RANBP2: variants seen among roughly 807,000 people sequenced by gnomAD.
The protein encoded by RANBP2 is E3 SUMO-protein ligase RanBP2.
RANBP2 carries 57 observed loss-of-function variants against 303.6 expected under a neutral mutation model. The observed-to-expected ratio is 0.19, with a 90% CI of 0.15 to 0.23. The LOEUF (loss-of-function observed/expected upper bound fraction) is 0.23, where lower values mean the gene tolerates loss of function less well. Ranked by LOEUF, RANBP2 falls within the 10% of genes least tolerant of loss-of-function variation. The probability of loss-of-function intolerance (pLI) is 1.00; values close to 1 mark genes in which losing one functional copy is unlikely to be tolerated. For missense variants in RANBP2, 3,138 were observed against 3,780.8 expected (o/e 0.83, Z 4.46); for synonymous variants, 1,167 against 1,301.5 (o/e 0.90, Z 2.23).
At chr2:108,793,433 G>C in the RANBP2 span, among the ~76,000 whole-genome samples, 1 of 152,058 alleles carries the variant, frequency 6.6e-6, no homozygotes, top group African/African-American at 2.4e-5. Flanking sequence ...TGCTGGCAAG[G>C]ATATCAAGCA....
chr2:109,544,738 T>C, the RANBP2 span: 2 of 841,294 alleles, frequency 2.4e-6, no homozygotes, highest in Non-Finnish European at 2.9e-6. Context: ...TTTATCTTTC[T>C]AAATTCAATG....
At chr2:109,455,194 C>T in the RANBP2 span, among the ~76,000 whole-genome samples, 7 of 152,124 alleles carry the variant, frequency 4.6e-5, no homozygotes, top group African/African-American at 9.7e-5. Context: ...GGTCATGGCC[C>T]GTCCAGGAGT....
chr2:109,060,227 G>T, the RANBP2 span, among the ~76,000 whole-genome samples: 1 of 152,150 alleles, frequency 6.6e-6, no homozygotes, highest in Non-Finnish European at 1.5e-5. Context: ...AGAATATGGA[G>T]AATTTAATAA....
the RANBP2 span, among the ~76,000 whole-genome samples, chr2:109,547,643 T>A: frequency 6.6e-6 from 1 of 152,122 alleles, no homozygotes; most frequent in Non-Finnish European, 1.5e-5. Context: ...GTTCCACAAT[T>A]TAAGGAATGC....
chr2:109,087,795 G>A, the RANBP2 span, among the ~76,000 whole-genome samples: 6 of 152,136 alleles, frequency 3.9e-5, no homozygotes, highest in Non-Finnish European at 7.4e-5. Context: ...TGGAGGAGTG[G>A]GAGAGCAGGA....
the RANBP2 span, among the ~76,000 whole-genome samples, chr2:109,527,413 G>A: frequency 6.6e-6 from 1 of 152,172 alleles, no homozygotes; most frequent in Non-Finnish European, 1.5e-5. Context: ...AGAAACAGAC[G>A]TGCTGGAGGC....
chr2:109,051,130 G>C, the RANBP2 span, among the ~76,000 whole-genome samples: 1 of 152,188 alleles, frequency 6.6e-6, no homozygotes, highest in African/African-American at 2.4e-5. Flanking sequence ...CTAGCTCTCA[G>C]TCTATCTGTC....
chr2:109,330,370 T>C, the RANBP2 span, among the ~76,000 whole-genome samples: 24 of 152,252 alleles, frequency 1.6e-4, no homozygotes, highest in African/African-American at 5.8e-4. Flanking sequence ...TTTTTTTTCT[T>C]GTCTTGGCAT....
At chr2:109,263,066 G>A in the RANBP2 span, among the ~76,000 whole-genome samples, 38,374 of 151,762 alleles carry the variant, frequency 0.25, 5,263 homozygotes, top group East Asian at 0.46. Context: ...GGCTGGTCTC[G>A]AACTCCTGAC....
intron 14 of RANBP2, 103 bp downstream of exon 14, chr2:108,753,666 A>G (rs570772044): frequency 2.3e-5 from 36 of 1,587,596 alleles, no homozygotes; most frequent in South Asian, 1.7e-4. Context: ...CAGTGGCACA[A>G]TCTTGGCTCA....
chr2:109,685,255 T>A, the RANBP2 span, among the ~76,000 whole-genome samples: 5 of 152,206 alleles, frequency 3.3e-5, no homozygotes, highest in Non-Finnish European at 7.3e-5. Flanking sequence ...TTGATGAACA[T>A]GTGGAACAAA....
the RANBP2 span, among the ~76,000 whole-genome samples, chr2:108,830,633 T>A: frequency 6.6e-6 from 1 of 150,798 alleles, no homozygotes; most frequent in East Asian, 2.0e-4. Flanking sequence ...GTGGTGAAAC[T>A]CTGTCTCTAC....
At position 108,719,486 on chromosome 2, in the gene RANBP2, T is replaced by G; in HGVS notation, c.-121T>G. 6.7e-7 allele frequency: 1 copy of G among 1,491,652 alleles called. No homozygotes were observed. The allele number at this position is 1,491,652 out of a possible 1,614,324, so 92.4% of individuals were successfully genotyped here. A position where few individuals can be genotyped will look rare whatever the true frequency, so the allele number is the denominator to read the frequency against. Reference sequence around the variant, plus strand: ...CGGCTGCGCCGCAAGTTCGTCACAGTGGTCCTCCGCCGGCTACGGCGCTGC... The same window carrying G: ...CGGCTGCGCCGCAAGTTCGTCACAGGGGTCCTCCGCCGGCTACGGCGCTGC... On this transcript the variant is annotated 5_prime_UTR_variant, in exon 1 of 29. Transcript: ENST00000283195.
chr2:108,809,736 C>T, the RANBP2 span, among the ~76,000 whole-genome samples: 40 of 152,082 alleles, frequency 2.6e-4, no homozygotes, highest in South Asian at 1.9e-3. Flanking sequence ...TGGAGTCTTT[C>T]GGTTTCTTTG....
At chr2:109,130,057 A>T in the RANBP2 span, 2 of 1,367,962 alleles carry the variant, frequency 1.5e-6, no homozygotes, top group Non-Finnish European at 9.4e-7. Flanking sequence ...GGCCGCGGGC[A>T]GCACCGCCGG....
At chr2:108,790,203 T>C (rs974179842), downstream of RANBP2, among the ~76,000 whole-genome samples, 3 of 152,196 alleles carry the variant, frequency 2.0e-5, no homozygotes, top group African/African-American at 7.2e-5. Context: ...GATCTAGATT[T>C]AGGATTTAGA....
chr2:109,013,328 G>T, the RANBP2 span, among the ~76,000 whole-genome samples: 5 of 152,178 alleles, frequency 3.3e-5, no homozygotes, highest in African/African-American at 1.2e-4. Flanking sequence ...TTCACAGCAG[G>T]TTTTTGCAAA....
At chr2:109,537,314 G>A in the RANBP2 span, among the ~76,000 whole-genome samples, 15 of 152,110 alleles carry the variant, frequency 9.9e-5, no homozygotes, top group Non-Finnish European at 1.6e-4. Context: ...GGATGACGAT[G>A]ATTTTCCCTT....
At chr2:109,279,083 T>C in the RANBP2 span, among the ~76,000 whole-genome samples, 2 of 152,228 alleles carry the variant, frequency 1.3e-5, no homozygotes, top group African/African-American at 4.8e-5. Flanking sequence ...TGGGAACTGC[T>C]GTGCCCATTA....
Sources: allele counts gnomAD v4.1 joint callset (sites outside exome capture counted in the v4.1 genomes callset), GRCh38; gene constraint gnomAD v4.1.1; transcripts MANE v1.5; gene names NCBI Gene and HGNC (gene_info 2026-07-23, HGNC 2026-07-21).